Variants in TNFRSF17 observed in about 807,000 individuals in gnomAD.
TNFRSF17 encodes tumor necrosis factor receptor superfamily member 17.
Under a neutral mutation model 9.9 loss-of-function variants are expected in TNFRSF17, and 13 were observed. The ratio of observed to expected loss-of-function variants is 1.31; its 90% CI spans 0.85 to 2.08. The LOEUF (loss-of-function observed/expected upper bound fraction) is 2.08. Ranked by LOEUF, TNFRSF17 falls within the 30% of genes most tolerant of loss-of-function variation. TNFRSF17 has a pLI of 0.00. For missense variants in TNFRSF17, 305 were observed against 225.8 expected (o/e 1.35, Z -2.25); for synonymous variants, 99 against 83.7 (o/e 1.18, Z -1.00).
intron 2 of TNFRSF17, 37 bp from the exon 3 acceptor site, chr16:11,967,533 G>C (rs1474289092): frequency 6.3e-7 from 1 of 1,590,240 alleles, no homozygotes; most frequent in African/African-American, 1.3e-5. Context: ...CATTCTCTGT[G>C]AAGTTTGGGT....
intron 2 of TNFRSF17, among the ~76,000 whole-genome samples, chr16:11,966,681 G>T (rs1030038182): frequency 6.6e-6 from 1 of 152,154 alleles, no homozygotes; most frequent in Admixed American, 6.6e-5. Context: ...AGCCAGGTCT[G>T]CTACTGTCAG....
Position 11,965,475 on chromosome 16 carries a change from G to A in TNFRSF17, c.130+21G>A, listed in dbSNP as rs11570140. 4.0e-4 allele frequency: 649 copies of A among 1,612,474 alleles called. 4 individuals carry two copies. In the East Asian group the frequency reaches 8.5e-3, roughly 21 times the overall value. ...TGCAAGTAAGTAATATTGCTTGAAC[G>A]ATTATTCATTGGTGTGAACTATTCT... On this transcript the variant is annotated intron_variant, in intron 1 of 2. Transcript: ENST00000053243.
At chr16:11,966,095 A>G in intron 1 of TNFRSF17, 100 bp from the exon 2 acceptor site, 1 of 1,297,666 alleles carries the variant, frequency 7.7e-7, no homozygotes, top group Non-Finnish European at 1.0e-6. Context: ...TGGGCAACAG[A>G]GCAAGACTTT....
At position 11,965,423 on chromosome 16, in the gene TNFRSF17, T is replaced by G. The variant is rs2055185754; in HGVS notation, c.99T>G (p.Pro33=). ...PCQLRCSSNT[P]PLTCQRYCNA... is the part of the protein sequence containing the mutation. ...AACTTCGATGTTCTTCTAATACTCC[T>G]CCTCTAACATGTCAGCGTTATTGTA... The change falls in exon 1 of 3, where the codon CCT becomes CCG. Residue 33 remains proline (P), a synonymous_variant. Transcript: ENST00000053243. 3.1e-6 allele frequency: 5 copies of G among 1,614,172 alleles called. No individual in the cohort carries two copies. The highest frequency in any genetic ancestry group is 4.2e-6 in the Non-Finnish European group (5 of 1,180,008).
In TNFRSF17 at chr16:11,965,506, T is replaced by C. The variant is rs769967314; in HGVS notation, c.130+52T>C. On this transcript the variant is annotated intron_variant, in intron 1 of 2. Coordinates refer to ENST00000053243, the MANE Select transcript of TNFRSF17 (RefSeq NM_001192.3). ...TCATTGGTGTGAACTATTCTGTCTA[T>C]ATGGACTGCTTATTCAGAGAATCAA... 20 of 1,570,104 alleles carry C rather than the reference T, an allele frequency of 1.3e-5. No individual in the cohort carries two copies. In the Admixed American group the frequency reaches 3.1e-4, roughly 25 times the overall value.
chr16:11,966,631 G>T (rs2055196495), intron 2 of TNFRSF17, among the ~76,000 whole-genome samples: 1 of 152,138 alleles, frequency 6.6e-6, no homozygotes, highest in Non-Finnish European at 1.5e-5. Flanking sequence ...TTTGACTAAA[G>T]TTAGCACATC....
chr16:11,967,242 T>C (rs1339564682), intron 2 of TNFRSF17: 3 of 256,524 alleles, frequency 1.2e-5, no homozygotes, highest in Non-Finnish European at 1.5e-5. Flanking sequence ...CCACAAGTGA[T>C]CTGCCCGCCT....
chr16:11,967,538 T>C (rs1353639900), intron 2 of TNFRSF17, 32 bp from the exon 3 acceptor site: 3 of 1,594,206 alleles, frequency 1.9e-6, no homozygotes, highest in South Asian at 2.3e-5. Flanking sequence ...TCTGTGAAGT[T>C]TGGGTTAATG....
rs377321096 is a variant in TNFRSF17, at chr16:11,967,550, T to C, written c.278-20T>C. On this transcript the variant is annotated intron_variant, in intron 2 of 2. Coordinates refer to ENST00000053243, the MANE Select transcript of TNFRSF17 (RefSeq NM_001192.3). ...TTCTCTGTGAAGTTTGGGTTAATGT[T>C]TCCGTTTCTACATAATTAGGATCAG... 11 of 1,602,390 alleles carry C rather than the reference T, an allele frequency of 6.9e-6. No homozygotes were observed. The African/African-American group carries it at 1.5e-4, about 21-fold the overall frequency.
At position 11,965,431 on chromosome 16, in the gene TNFRSF17, C is replaced by T; in HGVS notation, c.107C>T (p.Thr36Ile). 6.2e-7 allele frequency: 1 copy of T among 1,614,152 alleles called. No homozygotes were observed. The highest frequency in any genetic ancestry group is 8.5e-7 in the Non-Finnish European group (1 of 1,179,990). Residue 36 changes from threonine to isoleucine, a missense_variant, in exon 1 of 3, where the codon ACA (threonine) becomes ATA (isoleucine). Transcript: ENST00000053243. ...TGTTCTTCTAATACTCCTCCTCTAA[C>T]ATGTCAGCGTTATTGTAATGCAAGT... ...LRCSSNTPPL[T>I]CQRYCNASVT...
At position 11,966,301 on chromosome 16, in the gene TNFRSF17, G is replaced by C. The variant is rs1172709519; in HGVS notation, c.237G>C (p.Lys79Asn). Residue 79 changes from lysine (K) to asparagine (N), a missense_variant, in exon 2 of 3, where the codon AAG becomes AAC. Coordinates refer to ENST00000053243, the MANE Select transcript of TNFRSF17 (RefSeq NM_001192.3). ...AVFVLMFLLRKINSEPLKDEF... is the reference protein window; with the variant it reads ...AVFVLMFLLRNINSEPLKDEF... Reference sequence around the variant, plus strand: ...TCGTGCTAATGTTTTTGCTAAGGAAGATAAACTCTGAACCATTAAAGGACG... The same window carrying C: ...TCGTGCTAATGTTTTTGCTAAGGAACATAAACTCTGAACCATTAAAGGACG... 1 of 1,613,896 alleles carries C rather than the reference G, an allele frequency of 6.2e-7. No homozygotes were observed. The highest frequency in any genetic ancestry group is 8.5e-7 in the Non-Finnish European group (1 of 1,179,958).
intron 2 of TNFRSF17, chr16:11,967,015 TTTAG>T: frequency 5.4e-6 from 1 of 184,756 alleles, no homozygotes; most frequent in South Asian, 9.4e-5. Context: ...TATTTATTTA[TTTAG>T]AGATGGAGTC....
rs2055207807 is a variant in TNFRSF17 at position 11,967,813 on chromosome 16, C to G, written c.521C>G (p.Ala174Gly). The G allele has an allele frequency of 6.2e-7, 1 of 1,614,174 alleles. No homozygotes were observed. The highest frequency in any genetic ancestry group is 8.5e-7 in the Non-Finnish European group (1 of 1,180,022). ...AAGAGCCTGCCAGCTGCTTTGAGTGCTACGGAGATAGAGAAATCAATTTCT... is the reference window on the plus strand; with the variant it reads ...AAGAGCCTGCCAGCTGCTTTGAGTGGTACGGAGATAGAGAAATCAATTTCT... ...YCKSLPAALS[A>G]TEIEKSISAR Residue 174 changes from alanine to glycine, a missense_variant, in exon 3 of 3, where the codon GCT becomes GGT. Physicochemically the swap from Ala to Gly is moderately conservative, Grantham distance 60. Transcript: ENST00000053243.
Position 11,967,956 on chromosome 16 carries a change from T to G in TNFRSF17, c.*109T>G. 1 of 1,274,682 alleles carries G rather than the reference T, an allele frequency of 7.8e-7. No homozygotes were observed. The highest frequency in any genetic ancestry group is 1.1e-6 in the Non-Finnish European group (1 of 932,786). 79.0% of individuals were successfully genotyped at this position (1,274,682 alleles called of 1,614,324 possible). ...ATTTTTCAGTTGCCGATACAGCTTTTTGTCCTCTAACTGTGGAAACTCTTT... is the reference window on the plus strand; with the variant it reads ...ATTTTTCAGTTGCCGATACAGCTTTGTGTCCTCTAACTGTGGAAACTCTTT... On this transcript the variant is annotated 3_prime_UTR_variant, in exon 3 of 3. Coordinates refer to ENST00000053243, the MANE Select transcript of TNFRSF17 (RefSeq NM_001192.3).
chr16:11,966,165 C>T, intron 1 of TNFRSF17, 30 bp from the exon 2 acceptor site: 2 of 1,583,222 alleles, frequency 1.3e-6, no homozygotes, highest in Non-Finnish European at 1.7e-6. Flanking sequence ...GTTATCAGCT[C>T]ATTATCTGTC....
Position 11,966,214 on chromosome 16 carries a change from A to C in TNFRSF17, c.150A>C (p.Lys50Asn). 1 of 1,613,542 alleles carries C rather than the reference A, an allele frequency of 6.2e-7. No individual in the cohort carries two copies. Among genetic ancestry groups the C allele is most frequent in the Non-Finnish European group, 8.5e-7 (1 of 1,179,750 alleles). ...YCNASVTNSV[K>N]GTNAILWTCL... Reference sequence around the variant, plus strand: ...ATAAAGGTGTGACCAATTCAGTGAAAGGAACGAATGCGATTCTCTGGACCT... The same window carrying C: ...ATAAAGGTGTGACCAATTCAGTGAACGGAACGAATGCGATTCTCTGGACCT... The change falls in exon 2 of 3, where the codon AAA becomes AAC. Residue 50 changes from lysine (K) to asparagine (N), a missense_variant. Physicochemically the swap from Lys to Asn is moderately conservative, Grantham distance 94. Coordinates refer to ENST00000053243, the MANE Select transcript of TNFRSF17 (RefSeq NM_001192.3).
intron 1 of TNFRSF17, 89 bp downstream of exon 1, chr16:11,965,543 T>C: frequency 5.3e-6 from 7 of 1,331,384 alleles, no homozygotes; most frequent in Non-Finnish European, 7.2e-6. Context: ...ATAATGGGCA[T>C]GATGGTGAGT....
chr16:11,966,442 C>G, intron 2 of TNFRSF17, 101 bp downstream of exon 2: 1 of 1,227,528 alleles, frequency 8.1e-7, no homozygotes, highest in African/African-American at 1.5e-5. Flanking sequence ...CACTTCGTTA[C>G]AGCCCTTTCG....
At position 11,966,281 on chromosome 16, in the gene TNFRSF17, CTAA is replaced by C. The variant is rs753681360; in HGVS notation, c.219_221del (p.Met74del). 6.4e-4 allele frequency: 1,036 copies of C among 1,613,926 alleles called. 7 individuals carry two copies. Among genetic ancestry groups the C allele is most frequent in the Non-Finnish European group, 2.2e-4 (258 of 1,179,906 alleles). ...AATAATTTCTTTGGCAGTTTTCGTG[CTAA>C]TGTTTTTGCTAAGGAAGATAAACTC... is the stretch of plus-strand genomic sequence containing the variant. On this transcript the variant is annotated inframe_deletion, in exon 2 of 3. Coordinates refer to ENST00000053243, the MANE Select transcript of TNFRSF17 (RefSeq NM_001192.3).
Sources: allele counts gnomAD v4.1 joint callset (sites outside exome capture counted in the v4.1 genomes callset), GRCh38; gene constraint gnomAD v4.1.1; transcripts MANE v1.5; gene names NCBI Gene and HGNC (gene_info 2026-07-23, HGNC 2026-07-21).